CEP120: variants seen among roughly 807,000 people sequenced by gnomAD.
CEP120 encodes the protein centrosomal protein of 120 kDa.
Under a neutral mutation model 126.5 loss-of-function variants are expected in CEP120, and 113 were observed. The ratio of observed to expected loss-of-function variants is 0.89; its 90% confidence interval spans 0.77 to 1.04. CEP120 has a LOEUF of 1.04. CEP120 is among the 50% of genes least tolerant of loss of function. The pLI, the probability that CEP120 is intolerant of heterozygous loss-of-function variation, is 0.00. For synonymous variants in CEP120, 400 were observed against 394.3 expected, an observed-to-expected ratio of 1.01 and a Z score of -0.17; for missense variants, 1,230 against 1,155.7, an observed-to-expected ratio of 1.06 and a Z score of -0.93.
At position 123,410,188 on chromosome 5, in the gene CEP120, T is replaced by A. The variant is rs143543367; in HGVS notation, c.463+2211A>T. Among the ~76,000 whole-genome samples the A allele has an allele frequency of 2.6e-5, 4 of 152,040 alleles. No individual in the cohort carries two copies. The East Asian group carries it at 7.7e-4, about 29-fold the overall frequency. ...TATGAAGAAAACTATAAAACTCTGA[T>A]AAAAGAAATCAAAGAACTAAATAAA... On this transcript the variant is annotated intron_variant, in intron 4 of 19. Transcript: ENST00000306467.
intron 5 of CEP120, among the ~76,000 whole-genome samples, chr5:123,397,054 T>C (rs1054654573): frequency 1.3e-5 from 2 of 152,242 alleles, no homozygotes; most frequent in Non-Finnish European, 2.9e-5. Flanking sequence ...CTGGGCATGG[T>C]GGCTCATGAC....
chr5:123,411,340 A>G (rs963584542), intron 4 of CEP120, among the ~76,000 whole-genome samples: 1 of 152,212 alleles, frequency 6.6e-6, no homozygotes, highest in Non-Finnish European at 1.5e-5. Flanking sequence ...TATTTACCCA[A>G]ATGAACTGAA....
rs1322347901 is a variant in CEP120 at position 123,401,899 on chromosome 5, G to A, written c.464-2615C>T. On this transcript the variant is annotated intron_variant, in intron 4 of 19. Transcript: ENST00000306467. ...TCCTAGCCCAGAGTCTCCAGCTGCC[G>A]CCTAAGGTTGTTGATGTAGCTCTTG... 163 of 1,560,790 alleles carry A rather than the reference G, an allele frequency of 1.0e-4. 1 individual carries two copies. In the South Asian group the frequency reaches 1.3e-3, roughly 12 times the overall value.
chr5:123,389,903 AC>A lies in CEP120; in HGVS notation c.1255+20del. On this transcript the variant is annotated intron_variant, in intron 8 of 19. Transcript: ENST00000306467. ...AATGCAATACCTCAAAGATCTATAA[AC>A]AAACAACAAAAAACCTTACCTTTTG... 6.3e-7 allele frequency: 1 copy of A among 1,596,834 alleles called. No homozygotes were observed. The highest frequency in any genetic ancestry group is 8.6e-7 in the Non-Finnish European group (1 of 1,164,844).
chr5:123,388,665 T>G (rs561861108), intron 8 of CEP120, 59 bp from the exon 9 acceptor site: 13 of 1,357,268 alleles, frequency 9.6e-6, no homozygotes, highest in African/African-American at 1.5e-5. Context: ...TCTCTTAAAT[T>G]GTACAGATAG....
At chr5:123,401,074 T>A (rs1773189876) in intron 4 of CEP120, 3 of 1,583,472 alleles carry the variant, frequency 1.9e-6, no homozygotes, top group Non-Finnish European at 2.6e-6. Context: ...CAGGCCGAGC[T>A]CAGACCACTT....
intron 1 of CEP120, among the ~76,000 whole-genome samples, chr5:123,419,553 C>CAAAAAAAAAAAAAAAAAAAAAA (rs566909063): frequency 7.4e-6 from 1 of 135,258 alleles, no homozygotes; most frequent in Non-Finnish European, 1.6e-5. Context: ...AAAACAAAAA[C>CAAAAAAAAAAAAAAAAAAAAAA]AAAAAAAAAA....
chr5:123,394,696 A>G (rs1241013382), intron 5 of CEP120, among the ~76,000 whole-genome samples: 1 of 152,392 alleles, frequency 6.6e-6, no homozygotes, highest in South Asian at 2.1e-4. Flanking sequence ...TACCAGACAC[A>G]TAATAAATGT....
chr5:123,408,860 C>T (rs916403105), intron 4 of CEP120, among the ~76,000 whole-genome samples: 2 of 152,124 alleles, frequency 1.3e-5, no homozygotes, highest in South Asian at 4.1e-4. Context: ...CTCATGAACA[C>T]AAATGCAAAT....
intron 3 of CEP120, among the ~76,000 whole-genome samples, chr5:123,412,975 G>C (rs1774157365): frequency 6.6e-6 from 1 of 152,016 alleles, no homozygotes; most frequent in Admixed American, 6.6e-5. Context: ...ATATCAATAA[G>C]CATAGGAAAA....
At chr5:123,411,771 C>T (rs2127125414) in intron 4 of CEP120, among the ~76,000 whole-genome samples, 1 of 152,264 alleles carries the variant, frequency 6.6e-6, no homozygotes, top group African/African-American at 2.4e-5. Flanking sequence ...GTGGATACTA[C>T]AAGTCATTTA....
At chr5:123,357,592 AAAACCCTGTCTTTAC>A (rs569611472) in intron 18 of CEP120, among the ~76,000 whole-genome samples, 291 of 152,222 alleles carry the variant, frequency 1.9e-3, no homozygotes, top group African/African-American at 6.7e-3. Context: ...GTGGCGTGGC[AAAACCCTGTCTTTAC>A]AAAAATTAGC....
chr5:123,371,534 G>T (rs1048993483), intron 17 of CEP120, among the ~76,000 whole-genome samples: 1 of 152,020 alleles, frequency 6.6e-6, no homozygotes, highest in Non-Finnish European at 1.5e-5. Context: ...TGAGATTTGG[G>T]TGGGGACACA....
chr5:123,370,632 C>T (rs967054978), intron 17 of CEP120, among the ~76,000 whole-genome samples: 1 of 150,990 alleles, frequency 6.6e-6, no homozygotes, highest in Non-Finnish European at 1.5e-5. Context: ...TATGTGCCAC[C>T]ACATCCAGCT....
intron 4 of CEP120, among the ~76,000 whole-genome samples, chr5:123,411,232 G>T (rs998729079): frequency 3.9e-5 from 6 of 152,176 alleles, no homozygotes; most frequent in African/African-American, 1.2e-4. Context: ...TTGCTAGTGG[G>T]AATGCCAAAT....
At chr5:123,366,417 A>C (rs1189856832) in intron 17 of CEP120, among the ~76,000 whole-genome samples, 1 of 151,738 alleles carries the variant, frequency 6.6e-6, no homozygotes, top group Non-Finnish European at 1.5e-5. Context: ...TCAGCTCAGG[A>C]CCTACAGTCC....
chr5:123,377,240 C>A, intron 16 of CEP120, 134 bp downstream of exon 16: 1 of 769,346 alleles, frequency 1.3e-6, no homozygotes, highest in African/African-American at 1.8e-5. Flanking sequence ...ATATTTGAAT[C>A]TCAGTGCAAT....
In CEP120 at chr5:123,399,723, T is replaced by C. The variant is rs544499218; in HGVS notation, c.464-439A>G. ...ATGTGTGAGAAAACTGACACAGGCA[T>C]AGGGTGCCAGATCACAGAGTGAGAA... On this transcript the variant is annotated intron_variant, in intron 4 of 19. Transcript: ENST00000306467. 3.9e-5 allele frequency among the ~76,000 whole-genome samples: 6 copies of C among 152,178 alleles called. No homozygotes were observed. In the East Asian group the frequency reaches 7.7e-4, roughly 20 times the overall value.
intron 3 of CEP120, among the ~76,000 whole-genome samples, chr5:123,412,831 G>A (rs549396149): frequency 2.0e-5 from 3 of 152,172 alleles, no homozygotes; most frequent in Non-Finnish European, 2.9e-5. Flanking sequence ...TCTACCTTTC[G>A]TCTTATACCC....
Sources: gnomAD v4.1 joint callset for allele counts (sites outside exome capture counted in the v4.1 genomes callset) on GRCh38, gnomAD v4.1.1 for gene constraint, MANE v1.5 for transcripts, NCBI Gene and HGNC (gene_info 2026-07-23, HGNC 2026-07-21) for gene names.